The following PLCE1 variants were observed in gnomAD, a reference collection of about 807,000 sequenced individuals.
The protein encoded by PLCE1 is 1-phosphatidylinositol 4,5-bisphosphate phosphodiesterase epsilon-1.
Under a neutral mutation model 242.8 loss-of-function variants are expected in PLCE1, and 119 were observed. That is an observed-to-expected ratio of 0.49 (90% CI 0.42 to 0.57). The LOEUF (loss-of-function observed/expected upper bound fraction) is 0.57. PLCE1 is among the 20% of genes least tolerant of loss of function. The probability of loss-of-function intolerance (pLI) is 0.00; values close to 1 mark genes in which losing one functional copy is unlikely to be tolerated. For missense variants in PLCE1, 2,441 were observed against 2,788.8 expected (o/e 0.88, Z 2.81); for synonymous variants, 945 against 1,017.4 (o/e 0.93, Z 1.35).
At chr10:94,063,205 G>C (rs1328347353) in intron 2 of PLCE1, among the ~76,000 whole-genome samples, 1 of 152,172 alleles carries the variant, frequency 6.6e-6, no homozygotes, top group Non-Finnish European at 1.5e-5. Context: ...CCTTTATGGT[G>C]GTTTTGTTTT....
chr10:94,291,174 A>T (rs2052632363), intron 22 of PLCE1, among the ~76,000 whole-genome samples: 1 of 152,032 alleles, frequency 6.6e-6, no homozygotes, highest in Admixed American at 6.5e-5. Context: ...TTCTTTTTAG[A>T]GACAGAGTCT....
intron 2 of PLCE1, among the ~76,000 whole-genome samples, chr10:94,045,175 A>T (rs2061853746): frequency 1.3e-5 from 2 of 151,990 alleles, no homozygotes; most frequent in Non-Finnish European, 2.9e-5. Context: ...TAATTAAAAA[A>T]ATTTTTTTTG....
At chr10:94,320,971 CTTA>C (rs1160490767) in intron 29 of PLCE1, among the ~76,000 whole-genome samples, 12 of 152,148 alleles carry the variant, frequency 7.9e-5, no homozygotes, top group South Asian at 2.1e-4. Flanking sequence ...TTTGGTTTTT[CTTA>C]TTGATACGCT....
intron 1 of PLCE1, among the ~76,000 whole-genome samples, chr10:94,022,612 A>G (rs991115718): frequency 6.6e-6 from 1 of 152,114 alleles, no homozygotes; most frequent in Non-Finnish European, 1.5e-5. Flanking sequence ...ATTTAAGCCA[A>G]TCTTATCAGA....
intron 4 of PLCE1, among the ~76,000 whole-genome samples, chr10:94,216,772 T>C (rs2049543865): frequency 6.6e-6 from 1 of 152,092 alleles, no homozygotes; most frequent in Middle Eastern, 3.4e-3. Flanking sequence ...CAATGCCACA[T>C]TCTCTGTGAC....
chr10:94,187,172 G>GTT, intron 4 of PLCE1, among the ~76,000 whole-genome samples: 1 of 151,132 alleles, frequency 6.6e-6, no homozygotes, highest in South Asian at 2.1e-4. Context: ...GTGTGTGTGT[G>GTT]TGTGTGTGTG....
intron 3 of PLCE1, among the ~76,000 whole-genome samples, chr10:94,170,925 T>C (rs1430084865): frequency 6.6e-6 from 1 of 152,204 alleles, no homozygotes; most frequent in Non-Finnish European, 1.5e-5. Flanking sequence ...GCTAGATTAA[T>C]GCTGCTGCTG....
intron 2 of PLCE1, chr10:94,100,650 A>T (rs759137968): frequency 7.9e-5 from 12 of 152,212 alleles, no homozygotes; most frequent in Non-Finnish European, 1.8e-4. Flanking sequence ...TGGGAATGGA[A>T]GAACTTCAGT....
chr10:94,040,331 T>C (rs967289085), intron 2 of PLCE1, among the ~76,000 whole-genome samples: 5 of 152,140 alleles, frequency 3.3e-5, no homozygotes, highest in Non-Finnish European at 7.3e-5. Flanking sequence ...TTCTTTTTTT[T>C]CCCTCCTCCC....
At chr10:94,048,387 C>A (rs2043658094) in intron 2 of PLCE1, among the ~76,000 whole-genome samples, 1 of 151,802 alleles carries the variant, frequency 6.6e-6, no homozygotes, top group Non-Finnish European at 1.5e-5. Flanking sequence ...GTTTACACAC[C>A]CCCCAACCCT....
At chr10:94,113,857 G>T (rs2046032515) in intron 2 of PLCE1, among the ~76,000 whole-genome samples, 1 of 152,058 alleles carries the variant, frequency 6.6e-6, no homozygotes, top group Non-Finnish European at 1.5e-5. Context: ...GGACAGTGAG[G>T]GGTTACTGAG....
intron 20 of PLCE1, 177 bp from the exon 21 acceptor site, chr10:94,283,613 A>C (rs1213518638): frequency 3.4e-6 from 2 of 591,540 alleles, no homozygotes; most frequent in Non-Finnish European, 6.1e-6. Context: ...AAATAACTGC[A>C]TCAACCCAAT....
Position 94,279,853 on chromosome 10 carries a change from TGAG to T in PLCE1, c.4740_4742del (p.Glu1583del), listed in dbSNP as rs1326972083. On this transcript the variant is annotated inframe_deletion, in exon 20 of 33. Transcript: ENST00000371380. ...ATGCCAACCCCCGACCTGCCAATAATGAGGAAGAGGAAGATGAGGAGGACGAAT... is the reference window on the plus strand; with the variant it reads ...ATGCCAACCCCCGACCTGCCAATAATGAAGAGGAAGATGAGGAGGACGAAT... 6.2e-7 allele frequency: 1 copy of T among 1,613,428 alleles called. No homozygotes were observed. Among genetic ancestry groups the T allele is most frequent in the African/African-American group, 1.3e-5 (1 of 74,868 alleles).
intron 26 of PLCE1, among the ~76,000 whole-genome samples, chr10:94,308,124 C>T (rs1158532863): frequency 2.6e-5 from 4 of 152,216 alleles, no homozygotes; most frequent in African/African-American, 9.6e-5. Flanking sequence ...AATAACTATA[C>T]ATGTACATTA....
chr10:94,233,607 C>A (rs544583802), intron 5 of PLCE1, among the ~76,000 whole-genome samples: 5 of 152,180 alleles, frequency 3.3e-5, no homozygotes, highest in African/African-American at 1.2e-4. Flanking sequence ...TTCATATTAT[C>A]TGGGGAAGTA....
At chr10:94,303,850 G>A (rs2053117628) in intron 24 of PLCE1, among the ~76,000 whole-genome samples, 1 of 152,038 alleles carries the variant, frequency 6.6e-6, no homozygotes, top group South Asian at 2.1e-4. Flanking sequence ...ACATATAACA[G>A]CCTTGTCTCC....
At chr10:94,091,328 T>G (rs1589995544) in intron 2 of PLCE1, among the ~76,000 whole-genome samples, 1 of 152,334 alleles carries the variant, frequency 6.6e-6, no homozygotes, top group East Asian at 1.9e-4. Context: ...AAAAGCCTCC[T>G]CCATGGCATC....
At chr10:94,141,799 A>G (rs1163447943) in intron 3 of PLCE1, among the ~76,000 whole-genome samples, 2 of 152,188 alleles carry the variant, frequency 1.3e-5, no homozygotes, top group East Asian at 3.9e-4. Context: ...TGGTGAGGAT[A>G]GCAACACCAG....
intron 1 of PLCE1, among the ~76,000 whole-genome samples, chr10:94,028,408 C>T (rs1349824506): frequency 6.6e-6 from 1 of 152,176 alleles, no homozygotes; most frequent in Non-Finnish European, 1.5e-5. Flanking sequence ...AGATTACCCC[C>T]AGAGCATGCG....
Sources: allele counts gnomAD v4.1 joint callset (sites outside exome capture counted in the v4.1 genomes callset), GRCh38; gene constraint gnomAD v4.1.1; transcripts MANE v1.5; gene names NCBI Gene and HGNC (gene_info 2026-07-23, HGNC 2026-07-21).